The following YY1 variants were observed in gnomAD, a reference collection of about 807,000 sequenced individuals.
YY1 encodes YY1 transcription factor, also known as transcriptional repressor protein YY1.
In YY1, 2 loss-of-function variants were observed where a neutral mutation model predicts 35.6. That is an observed-to-expected ratio of 0.06 (90% CI 0.02 to 0.18). The LOEUF (loss-of-function observed/expected upper bound fraction) is 0.18, where lower values mean the gene tolerates loss of function less well. YY1 is among the 10% of genes least tolerant of loss of function. YY1 has a pLI of 1.00. For missense variants in YY1, 322 were observed against 573.4 expected (o/e 0.56, Z 4.48); for synonymous variants, 268 against 238.9 (o/e 1.12, Z -1.12).
chr14:100,273,833 G>A (rs1205682578), intron 2 of YY1, among the ~76,000 whole-genome samples: 1 of 152,172 alleles, frequency 6.6e-6, no homozygotes, highest in African/African-American at 2.4e-5. Context: ...AATATTTGGA[G>A]AGAAAGTTTT....
rs1891295743 is a variant in YY1, at chr14:100,274,770, T to C, written c.903+12T>C. The C allele has an allele frequency of 1.9e-6, 3 of 1,611,882 alleles. No individual in the cohort carries two copies. Among genetic ancestry groups the C allele is most frequent in the Non-Finnish European group, 2.5e-6 (3 of 1,178,092 alleles). On this transcript the variant is annotated intron_variant, in intron 3 of 4. Transcript: ENST00000262238. Reference sequence around the variant, plus strand: ...CTTGCCCTCATAAAGTAAGTAATGCTAGAGGGAGAGTGTTCATTAAACTGT... The same window carrying C: ...CTTGCCCTCATAAAGTAAGTAATGCCAGAGGGAGAGTGTTCATTAAACTGT...
At chr14:100,241,805 C>G (rs1033515230) in intron 1 of YY1, among the ~76,000 whole-genome samples, 1 of 152,108 alleles carries the variant, frequency 6.6e-6, no homozygotes, top group African/African-American at 2.4e-5. Flanking sequence ...GAAACCCCAT[C>G]TCTACTAAAA....
intron 1 of YY1, among the ~76,000 whole-genome samples, chr14:100,249,886 A>G (rs932707089): frequency 1.3e-5 from 2 of 151,578 alleles, no homozygotes; most frequent in African/African-American, 4.9e-5. Context: ...CAATTCTCCT[A>G]CTTCAGGTTC....
At position 100,274,755 on chromosome 14, in the gene YY1, T is replaced by C. The variant is rs778319010; in HGVS notation, c.900T>C (p.His300=). ...DDAPRTIACP[H]KGCTKMFRDN... ...CTCCAAGAACAATAGCTTGCCCTCA[T>C]AAAGTAAGTAATGCTAGAGGGAGAG... is the stretch of plus-strand genomic sequence containing the variant. The change falls in exon 3 of 5, where the codon CAT becomes CAC. Residue 300 remains histidine (H), a synonymous_variant. Coordinates refer to ENST00000262238, the MANE Select transcript of YY1 (RefSeq NM_003403.5). 27 of 1,613,554 alleles carry C rather than the reference T, an allele frequency of 1.7e-5. No individual in the cohort carries two copies. Among genetic ancestry groups the C allele is most frequent in the Middle Eastern group, 1.6e-4 (1 of 6,078 alleles).
intron 1 of YY1, among the ~76,000 whole-genome samples, chr14:100,260,494 A>G (rs1891068518): frequency 6.7e-6 from 1 of 148,150 alleles, no homozygotes. Context: ...CTTTTTTGAG[A>G]CAGAGTCTCG....
At chr14:100,268,027 A>G (rs1891180015) in intron 2 of YY1, among the ~76,000 whole-genome samples, 1 of 152,200 alleles carries the variant, frequency 6.6e-6, no homozygotes, top group African/African-American at 2.4e-5. Context: ...CAGAGGCACC[A>G]AGAGTTTTAA....
At chr14:100,266,203 C>T (rs1891152870) in intron 2 of YY1, among the ~76,000 whole-genome samples, 1 of 152,016 alleles carries the variant, frequency 6.6e-6, no homozygotes, top group Non-Finnish European at 1.5e-5. Flanking sequence ...TGTGGGAATC[C>T]TGGGAGATAG....
At chr14:100,242,419 C>G (rs1395834848) in intron 1 of YY1, among the ~76,000 whole-genome samples, 2 of 128,444 alleles carry the variant, frequency 1.6e-5, no homozygotes, top group Non-Finnish European at 3.2e-5. Flanking sequence ...GATGGAGTCT[C>G]GCTCTGTCGC....
At position 100,257,699 on chromosome 14, in the gene YY1, A is replaced by G. The variant is rs1215223808; in HGVS notation, c.680-4605A>G. On this transcript the variant is annotated intron_variant, in intron 1 of 4. Transcript: ENST00000262238. ...AGAACACCACCATGCTGGCACCTTGATCTTGGACTTCTAGCTTCCGAACTG... is the reference window on the plus strand; with the variant it reads ...AGAACACCACCATGCTGGCACCTTGGTCTTGGACTTCTAGCTTCCGAACTG... Among the ~76,000 whole-genome samples, 7 of 152,192 alleles carry G rather than the reference A, an allele frequency of 4.6e-5. No individual in the cohort carries two copies. The East Asian group carries it at 1.3e-3, about 29-fold the overall frequency.
chr14:100,260,424 AATATATAT>A (rs59427565), intron 1 of YY1, among the ~76,000 whole-genome samples: 6 of 141,308 alleles, frequency 4.2e-5, no homozygotes, highest in Admixed American at 7.2e-5. Context: ...TGAATATATG[AATATATAT>A]ATATATATAT....
At chr14:100,271,359 C>T (rs938050523) in intron 2 of YY1, among the ~76,000 whole-genome samples, 6 of 152,092 alleles carry the variant, frequency 3.9e-5, no homozygotes, top group Non-Finnish European at 8.8e-5. Flanking sequence ...CTCAAGGTGG[C>T]GCAGTGGCAC....
Position 100,239,927 on chromosome 14 carries a change from A to G in YY1, c.679+4A>G. On this transcript the variant is annotated splice_donor_region_variant and intron_variant, in intron 1 of 4. Transcript: ENST00000262238. The stretch of plus-strand genomic sequence containing the variant: ...TCGGTCACCATGTGGTCCTCAGGTG[A>G]GCGCCGGCCGCGCGCCCCGGCCCCG... 6.6e-7 allele frequency: 1 copy of G among 1,518,428 alleles called. No individual in the cohort carries two copies. The highest frequency in any genetic ancestry group is 2.1e-5 in the Admixed American group (1 of 47,246). 94.1% of individuals were successfully genotyped at this position (1,518,428 alleles called of 1,614,324 possible). A position where few individuals can be genotyped will look rare whatever the true frequency, so the allele number is the denominator to read the frequency against.
rs1411622190 is a variant in YY1, at chr14:100,239,803, AGCGGCGGGGCCGGCGCGGCGGGCG to A, written c.567_590del (p.Gly191_Ala198del). 15 of 1,507,842 alleles carry A rather than the reference AGCGGCGGGGCCGGCGCGGCGGGCG, an allele frequency of 9.9e-6. No individual in the cohort carries two copies. Among genetic ancestry groups the A allele is most frequent in the Non-Finnish European group, 1.3e-5 (15 of 1,133,774 alleles). 93.4% of individuals were successfully genotyped at this position (1,507,842 alleles called of 1,614,324 possible). On this transcript the variant is annotated inframe_deletion, in exon 1 of 5. Coordinates refer to ENST00000262238, the MANE Select transcript of YY1 (RefSeq NM_003403.5). Reference sequence around the variant, plus strand: ...GAAGAGCGGCAAGAAGAGTTACCTCAGCGGCGGGGCCGGCGCGGCGGGCGGCGGCGGCGCCGACCCGGGCAACAA... The same window carrying A: ...GAAGAGCGGCAAGAAGAGTTACCTCAGCGGCGGCGCCGACCCGGGCAACAA...
intron 1 of YY1, among the ~76,000 whole-genome samples, chr14:100,257,493 TGATGG>T (rs2139583921): frequency 6.6e-6 from 1 of 152,274 alleles, no homozygotes; most frequent in South Asian, 2.1e-4. Context: ...ACCCCCAATG[TGATGG>T]TATTAGAGGG....
intron 1 of YY1, among the ~76,000 whole-genome samples, chr14:100,255,244 T>G (rs550938999): frequency 6.6e-5 from 10 of 152,270 alleles, no homozygotes; most frequent in Non-Finnish European, 1.2e-4. Flanking sequence ...CTTACGAGAA[T>G]GTACAATAAC....
At position 100,239,187 on chromosome 14, in the gene YY1, G is replaced by T; in HGVS notation, c.-58G>T. On this transcript the variant is annotated 5_prime_UTR_variant, in exon 1 of 5. Transcript: ENST00000262238. The stretch of plus-strand genomic sequence containing the variant: ...CCCACGGCCGGCCGCCTCCTCGCCC[G>T]CCCGCCCGCAGCCGAGGAGCCGAGG... 4 of 1,232,636 alleles carry T rather than the reference G, an allele frequency of 3.2e-6. No individual in the cohort carries two copies. Among genetic ancestry groups the T allele is most frequent in the East Asian group, 4.2e-5 (1 of 23,712 alleles). 76.4% of individuals were successfully genotyped at this position (1,232,636 alleles called of 1,614,324 possible). A position where few individuals can be genotyped will look rare whatever the true frequency, so the allele number is the denominator to read the frequency against.
chr14:100,246,879 G>A (rs1890841138), intron 1 of YY1, among the ~76,000 whole-genome samples: 1 of 152,184 alleles, frequency 6.6e-6, no homozygotes, highest in Admixed American at 6.5e-5. Context: ...GACCTACATA[G>A]GGTAGCCTAA....
intron 2 of YY1, among the ~76,000 whole-genome samples, chr14:100,271,715 T>C (rs906016393): frequency 1.3e-5 from 2 of 152,078 alleles, no homozygotes; most frequent in African/African-American, 4.8e-5. Context: ...GTCACCGAAG[T>C]TGGATCGCAG....
chr14:100,262,161 CCA>C, intron 1 of YY1, 141 bp from the exon 2 acceptor site: 2 of 849,554 alleles, frequency 2.4e-6, no homozygotes, highest in African/African-American at 1.8e-5. Flanking sequence ...AGACCGTTCT[CCA>C]AAAAAAAAAA....
Sources: gnomAD v4.1 joint callset for allele counts (sites outside exome capture counted in the v4.1 genomes callset) on GRCh38, gnomAD v4.1.1 for gene constraint, MANE v1.5 for transcripts, NCBI Gene and HGNC (gene_info 2026-07-23, HGNC 2026-07-21) for gene names.